OCA2: variants seen among roughly 807,000 people sequenced by gnomAD.
OCA2 encodes P protein.
Under a neutral mutation model 100.2 loss-of-function variants are expected in OCA2, and 77 were observed. That is an observed-to-expected ratio of 0.77 (90% CI 0.64 to 0.93). The LOEUF (loss-of-function observed/expected upper bound fraction) is 0.93. Among genes scored for constraint, OCA2 ranks in the 40% least tolerant of loss-of-function variants. OCA2 has a pLI of 0.00. For synonymous variants in OCA2, 432 were observed against 439.2 expected (o/e 0.98, Z 0.21); for missense variants, 1,062 against 1,089.1 (o/e 0.98, Z 0.35).
At chr15:27,730,966 T>A in the OCA2 span, among the ~76,000 whole-genome samples, 1 of 151,668 alleles carries the variant, frequency 6.6e-6, no homozygotes, top group African/African-American at 2.4e-5. Flanking sequence ...GCATTTTCCC[T>A]AAGTGAGTTA....
chr15:28,036,899 T>A (rs1283208385), intron 2 of OCA2, among the ~76,000 whole-genome samples: 4 of 152,062 alleles, frequency 2.6e-5, no homozygotes, highest in Non-Finnish European at 5.9e-5. Flanking sequence ...TAGGCACCAT[T>A]TATGCAGCCA....
chr15:27,870,396 T>C (rs1454596918), intron 21 of OCA2, among the ~76,000 whole-genome samples: 2 of 152,140 alleles, frequency 1.3e-5, no homozygotes, highest in Non-Finnish European at 2.9e-5. Flanking sequence ...CCTGGGCCTA[T>C]CTTTACTTTG....
chr15:28,033,408 G>T (rs1320344865), intron 2 of OCA2, among the ~76,000 whole-genome samples: 1 of 152,148 alleles, frequency 6.6e-6, no homozygotes, highest in African/African-American at 2.4e-5. Context: ...AAATATTTTT[G>T]CTTGCTTCTT....
chr15:27,846,201 G>C (rs1314911478), intron 22 of OCA2, among the ~76,000 whole-genome samples: 2 of 152,086 alleles, frequency 1.3e-5, no homozygotes, highest in African/African-American at 4.8e-5. Context: ...TGCACCAACG[G>C]TTCCATCCCA....
intron 23 of OCA2, among the ~76,000 whole-genome samples, chr15:27,769,707 G>A (rs896054944): frequency 1.3e-5 from 2 of 152,234 alleles, no homozygotes; most frequent in African/African-American, 4.8e-5. Flanking sequence ...CCATTTGGCT[G>A]TCGCCCTTCT....
chr15:28,021,549 G>A (rs1327780542), intron 6 of OCA2, among the ~76,000 whole-genome samples: 1 of 152,168 alleles, frequency 6.6e-6, no homozygotes, highest in Non-Finnish European at 1.5e-5. Context: ...CTTGAGCGTG[G>A]GAGCCTCTGA....
At chr15:27,972,689 T>A (rs970236113) in intron 14 of OCA2, among the ~76,000 whole-genome samples, 12 of 151,868 alleles carry the variant, frequency 7.9e-5, no homozygotes, top group Non-Finnish European at 1.8e-4. Context: ...TGCCTACTTT[T>A]TATTGGGATT....
the OCA2 span, among the ~76,000 whole-genome samples, chr15:27,743,911 C>T: frequency 1.2e-4 from 18 of 152,336 alleles, no homozygotes; most frequent in East Asian, 3.9e-4. Context: ...CTGGCCACCA[C>T]GTCATCGTTG....
the OCA2 span, among the ~76,000 whole-genome samples, chr15:27,725,862 G>A: frequency 3.9e-5 from 6 of 152,116 alleles, no homozygotes; most frequent in African/African-American, 1.4e-4. Context: ...CTCAAAAAAA[G>A]TTCATGCAGC....
At chr15:27,961,801 G>A (rs1421016889) in intron 15 of OCA2, among the ~76,000 whole-genome samples, 5 of 152,082 alleles carry the variant, frequency 3.3e-5, no homozygotes, top group African/African-American at 1.2e-4. Context: ...GCTGTCGGAG[G>A]GTTGGGGGCT....
intron 23 of OCA2, among the ~76,000 whole-genome samples, chr15:27,824,843 A>G (rs1005729240): frequency 4.0e-5 from 6 of 151,686 alleles, no homozygotes; most frequent in African/African-American, 1.5e-4. Flanking sequence ...TCTGCCGAAG[A>G]CAGGCCTCCG....
At chr15:28,015,846 G>A (rs1210726337) in intron 8 of OCA2, among the ~76,000 whole-genome samples, 1 of 152,188 alleles carries the variant, frequency 6.6e-6, no homozygotes, top group Admixed American at 6.5e-5. Context: ...TCACATTAAT[G>A]AAATTAGAAC....
intron 2 of OCA2, among the ~76,000 whole-genome samples, chr15:28,069,556 G>C (rs1731555945): frequency 7.1e-6 from 1 of 140,380 alleles, no homozygotes; most frequent in Admixed American, 6.9e-5. Context: ...GCGATTGCAG[G>C]CACGCGCCGC....
At chr15:28,018,259 A>G (rs986281956) in intron 7 of OCA2, 138 bp downstream of exon 7, 9 of 775,190 alleles carry the variant, frequency 1.2e-5, no homozygotes, top group Non-Finnish European at 2.0e-5. Context: ...AAAGCAAAAG[A>G]TAAGAAGAGC....
chr15:27,832,614 T>TG (rs2035004433), intron 23 of OCA2, among the ~76,000 whole-genome samples: 2 of 152,150 alleles, frequency 1.3e-5, no homozygotes, highest in African/African-American at 4.8e-5. Context: ...TGACCCACAC[T>TG]GGGGATGGCT....
At chr15:27,934,025 TATATAC>T (rs2140438168) in intron 18 of OCA2, among the ~76,000 whole-genome samples, 1 of 152,346 alleles carries the variant, frequency 6.6e-6, no homozygotes, top group Non-Finnish European at 1.5e-5. Context: ...TATACATATC[TATATAC>T]ATATACATAT....
intron 19 of OCA2, chr15:27,895,999 T>C (rs572612578): frequency 1.2e-4 from 111 of 904,978 alleles, no homozygotes; most frequent in East Asian, 7.3e-5. Flanking sequence ...CTGCGGTGTA[T>C]TGTACTGGCC....
Position 27,821,998 on chromosome 15 carries a change from A to G in OCA2, c.2432+22961T>C, listed in dbSNP as rs116547144. On this transcript the variant is annotated intron_variant, in intron 23 of 23. Coordinates refer to ENST00000354638, the MANE Select transcript of OCA2 (RefSeq NM_000275.3). ...ATGGATAATACATCACTTAATAAGC[A>G]TATCTGTGTTCCAATAAAACTTCAG... 4.1e-3 allele frequency among the ~76,000 whole-genome samples: 630 copies of G among 152,356 alleles called. 6 individuals carry two copies. Among genetic ancestry groups the G allele is most frequent in the African/African-American group, 0.015 (604 of 41,580 alleles).
At chr15:27,773,962 TATC>T (rs2151057617) in intron 23 of OCA2, among the ~76,000 whole-genome samples, 2 of 152,374 alleles carry the variant, frequency 1.3e-5, no homozygotes, top group East Asian at 3.9e-4. Context: ...TTAGTTAAAA[TATC>T]ATTCCGTTAA....
Sources: gnomAD v4.1 joint callset for allele counts (sites outside exome capture counted in the v4.1 genomes callset) on GRCh38, gnomAD v4.1.1 for gene constraint, MANE v1.5 for transcripts, NCBI Gene and HGNC (gene_info 2026-07-23, HGNC 2026-07-21) for gene names.